The following PPP2R2B variants were observed in gnomAD, a reference collection of about 807,000 sequenced individuals.
PPP2R2B encodes the protein protein phosphatase 2 regulatory subunit Bbeta.
In PPP2R2B, 5 loss-of-function variants were observed where a neutral mutation model predicts 46.0. The ratio of observed to expected loss-of-function variants is 0.11; its 90% confidence interval spans 0.06 to 0.23. The LOEUF (loss-of-function observed/expected upper bound fraction) is 0.23. Ranked by LOEUF, PPP2R2B falls within the 10% of genes least tolerant of loss-of-function variation. PPP2R2B has a pLI of 1.00. For synonymous variants in PPP2R2B, 215 were observed against 206.7 expected (o/e 1.04, Z -0.34); for missense variants, 367 against 575.0 (o/e 0.64, Z 3.70).
chr5:146,926,011 A>T (rs1353079936), intron 1 of PPP2R2B, among the ~76,000 whole-genome samples: 1 of 152,212 alleles, frequency 6.6e-6, no homozygotes, highest in East Asian at 1.9e-4. Flanking sequence ...TATCCTTATT[A>T]AGAATCTATT....
intron 5 of PPP2R2B, among the ~76,000 whole-genome samples, chr5:146,672,009 T>C (rs1293927783): frequency 6.6e-6 from 1 of 152,148 alleles, no homozygotes; most frequent in African/African-American, 2.4e-5. Flanking sequence ...AGAAAAATAA[T>C]GAGCTCTTTT....
chr5:146,698,851 C>T (rs1779372694), intron 3 of PPP2R2B, among the ~76,000 whole-genome samples: 1 of 151,736 alleles, frequency 6.6e-6, no homozygotes, highest in Admixed American at 6.6e-5. Context: ...CTTGGCTTTC[C>T]TCTAGCGCTG....
Position 146,878,727 on chromosome 5 carries a change from A to AGCTGCTGCTGCTTCT in PPP2R2B, c.-262_-261insAGAAGCAGCAGCAGC. On this transcript the variant is annotated 5_prime_UTR_variant, in exon 1 of 10. Coordinates refer to ENST00000394411, the MANE Select transcript of PPP2R2B (RefSeq NM_181675.4). This position sits in a 1 kb window ranked among gnomAD's most constrained non-coding sequence, Gnocchi z 4.5. The stretch of plus-strand genomic sequence containing the variant: ...CTCACACCCACACGCGCGCACTCGC[A>AGCTGCTGCTGCTTCT]GCTGCTGCTGCTGCTGCTGCTGCTG... The AGCTGCTGCTGCTTCT allele has an allele frequency of 7.7e-7, 1 of 1,297,208 alleles. No homozygotes were observed. 80.4% of individuals were successfully genotyped at this position (1,297,208 alleles called of 1,614,324 possible).
intron 5 of PPP2R2B, among the ~76,000 whole-genome samples, chr5:146,659,308 G>A (rs1776538367): frequency 6.6e-6 from 1 of 152,160 alleles, no homozygotes; most frequent in Non-Finnish European, 1.5e-5. Context: ...GAAATGCTTA[G>A]TTACCTACTT....
chr5:146,643,384 C>T (rs1010899033), intron 6 of PPP2R2B, among the ~76,000 whole-genome samples: 1 of 152,038 alleles, frequency 6.6e-6, no homozygotes, highest in Non-Finnish European at 1.5e-5. Flanking sequence ...AGTCAATAAA[C>T]AAGGTAAATG....
rs542912087 is a variant in PPP2R2B at position 146,764,852 on chromosome 5, G to A, written c.71-63710C>T. On this transcript the variant is annotated intron_variant, in intron 2 of 9. Coordinates refer to ENST00000394411, the MANE Select transcript of PPP2R2B (RefSeq NM_181675.4). ...GATACACGCACACACACACGCACACGCACACGTACTCTGCCCCATCTAAAC... is the reference window on the plus strand; with the variant it reads ...GATACACGCACACACACACGCACACACACACGTACTCTGCCCCATCTAAAC... 2.7e-5 allele frequency among the ~76,000 whole-genome samples: 4 copies of A among 150,510 alleles called. No individual in the cohort carries two copies. The South Asian group carries it at 8.4e-4, about 31-fold the overall frequency.
intron 2 of PPP2R2B, among the ~76,000 whole-genome samples, chr5:146,808,992 TGTGC>T (rs1018482859): frequency 8.1e-5 from 11 of 136,184 alleles, no homozygotes; most frequent in South Asian, 4.7e-4. Flanking sequence ...TGTGTGTGTG[TGTGC>T]GCGCGCACCC....
chr5:146,906,642 G>A (rs1324345944), intron 1 of PPP2R2B, among the ~76,000 whole-genome samples: 2 of 152,068 alleles, frequency 1.3e-5, no homozygotes, highest in South Asian at 4.1e-4. Flanking sequence ...ATTTTTAATT[G>A]ACACATAATG....
chr5:146,954,247 G>A (rs1236628199), intron 1 of PPP2R2B, among the ~76,000 whole-genome samples: 1 of 151,752 alleles, frequency 6.6e-6, no homozygotes, highest in Non-Finnish European at 1.5e-5. Flanking sequence ...AAATATATGA[G>A]GATACTTTAA....
chr5:146,925,622 A>G (rs1297753756), intron 1 of PPP2R2B, among the ~76,000 whole-genome samples: 1 of 151,756 alleles, frequency 6.6e-6, no homozygotes, highest in Non-Finnish European at 1.5e-5. Flanking sequence ...GTGTGGATCT[A>G]TTTGTATTTA....
At chr5:147,077,275 TACACACACACACACACACAC>T (rs370176510) in intron 2 of PPP2R2B, among the ~76,000 whole-genome samples, 1 of 140,484 alleles carries the variant, frequency 7.1e-6, no homozygotes, top group Non-Finnish European at 1.5e-5. Flanking sequence ...TATGTGTGTA[TACACACACACACACACACAC>T]ACACACACAC....
chr5:146,866,624 A>G (rs1761325696), intron 2 of PPP2R2B, among the ~76,000 whole-genome samples: 1 of 142,350 alleles, frequency 7.0e-6, no homozygotes, highest in African/African-American at 2.6e-5. Flanking sequence ...ACACGCAGAT[A>G]CATACATATA....
chr5:146,700,962 G>A (rs1273964488), intron 3 of PPP2R2B, 83 bp downstream of exon 3: 1 of 1,253,324 alleles, frequency 8.0e-7, no homozygotes, highest in Non-Finnish European at 1.2e-6. Context: ...AAGGTTAAGG[G>A]CGACACATAA....
intron 2 of PPP2R2B, among the ~76,000 whole-genome samples, chr5:146,769,622 A>G (rs985444858): frequency 1.3e-5 from 2 of 152,206 alleles, no homozygotes; most frequent in South Asian, 4.1e-4. Flanking sequence ...ACTGCTTTAC[A>G]TAGGATCTAT....
At chr5:146,954,116 T>A (rs939304378) in intron 1 of PPP2R2B, among the ~76,000 whole-genome samples, 2 of 139,830 alleles carry the variant, frequency 1.4e-5, no homozygotes, top group Non-Finnish European at 3.1e-5. Flanking sequence ...ATAGTTTGGT[T>A]TTACCAAGAG....
chr5:146,901,545 A>G (rs75906333), intron 1 of PPP2R2B, among the ~76,000 whole-genome samples: 4 of 151,964 alleles, frequency 2.6e-5, no homozygotes, highest in African/African-American at 9.7e-5. Context: ...CTACATTTCC[A>G]ATGCTATTTC....
intron 2 of PPP2R2B, among the ~76,000 whole-genome samples, chr5:146,813,512 G>T (rs1757752785): frequency 2.0e-5 from 3 of 152,126 alleles, no homozygotes; most frequent in Admixed American, 2.0e-4. Context: ...GTGTCGCTCG[G>T]TTCCATGGAG....
intron 2 of PPP2R2B, among the ~76,000 whole-genome samples, chr5:146,794,743 G>A (rs1425306783): frequency 3.9e-5 from 6 of 152,054 alleles, no homozygotes; most frequent in Non-Finnish European, 8.8e-5. Flanking sequence ...ATTGCTTTAT[G>A]TTTTTACTTA....
intron 1 of PPP2R2B, among the ~76,000 whole-genome samples, chr5:147,024,202 TCAC>T (rs1314310513): frequency 4.6e-5 from 7 of 151,288 alleles, no homozygotes; most frequent in African/African-American, 1.7e-4. Flanking sequence ...TATCTATCTA[TCAC>T]CTACTGGTTC....
Sources: gnomAD v4.1 joint callset for allele counts (sites outside exome capture counted in the v4.1 genomes callset) on GRCh38, gnomAD v4.1.1 for gene constraint, Gnocchi (gnomAD v3.1) non-coding constraint, MANE v1.5 for transcripts, NCBI Gene and HGNC (gene_info 2026-07-23, HGNC 2026-07-21) for gene names.